Variants in FOXP1 observed in about 807,000 individuals in gnomAD.
FOXP1 encodes forkhead box P1.
In FOXP1, 15 loss-of-function variants were observed where a neutral mutation model predicts 98.2. That is an observed-to-expected ratio of 0.15 (90% confidence interval 0.10 to 0.24). FOXP1 has a LOEUF of 0.24. Ranked by LOEUF, FOXP1 falls within the 10% of genes least tolerant of loss-of-function variation. The pLI is 1.00. For synonymous variants in FOXP1, 371 were observed against 314.5 expected (o/e 1.18, Z -1.90); for missense variants, 633 against 848.5 (o/e 0.75, Z 3.15).
chr3:71,302,529 AAAGAT>A (rs1407633198), intron 4 of FOXP1, among the ~76,000 whole-genome samples: 4 of 151,310 alleles, frequency 2.6e-5, no homozygotes, highest in Middle Eastern at 3.4e-3. Context: ...AAAAAAAAAA[AAAGAT>A]AAAGATAAAA....
chr3:71,207,757 T>C (rs149458697), intron 5 of FOXP1, among the ~76,000 whole-genome samples: 4 of 152,048 alleles, frequency 2.6e-5, no homozygotes, highest in East Asian at 3.9e-4. Context: ...AATGATGATA[T>C]GATGCGAGCT....
rs1036010621 is a variant in FOXP1, at chr3:71,064,573, G to T, written c.283-10800C>A. Among the ~76,000 whole-genome samples, 24 of 151,670 alleles carry T rather than the reference G, an allele frequency of 1.6e-4. No individual in the cohort carries two copies. The East Asian group carries it at 4.7e-3, about 30-fold the overall frequency. On this transcript the variant is annotated intron_variant, in intron 7 of 20. Transcript: ENST00000649528. The stretch of plus-strand genomic sequence containing the variant: ...AGCCAAAGAGCAAGGGGGGTGGGGG[G>T]GTATCTCTCTCCAGGACCCACAGGC...
chr3:71,416,547 A>AACACACACACAC (rs55710900), intron 3 of FOXP1, among the ~76,000 whole-genome samples: 1 of 136,854 alleles, frequency 7.3e-6, no homozygotes, highest in East Asian at 2.4e-4. Context: ...TCTGTCTCAA[A>AACACACACACAC]ACACACACAC....
chr3:71,386,307 A>G (rs939562523), intron 3 of FOXP1, among the ~76,000 whole-genome samples: 6 of 152,218 alleles, frequency 3.9e-5, no homozygotes, highest in African/African-American at 1.2e-4. Flanking sequence ...CCCACTGGCA[A>G]TAGAGTCAGT....
chr3:71,041,531 G>A lies in FOXP1; in HGVS notation c.666C>T (p.Gly222=), dbSNP rs2106873365. The part of the protein sequence containing the change: ...PALPLQPLAQ[G]MIPTELQQLW... ...GCTGCTGCAGTTCTGTTGGAATCAT[G>A]CCTGAAACAAACAAATTGGATAATT... The change falls in exon 11 of 21, where the codon GGC becomes GGT. Residue 222 remains glycine (G), a splice_region_variant and synonymous_variant. Coordinates refer to ENST00000649528, the MANE Select transcript of FOXP1 (RefSeq NM_001349338.3). 1 of 1,613,512 alleles carries A rather than the reference G, an allele frequency of 6.2e-7. No individual in the cohort carries two copies.
At chr3:71,552,708 T>G (rs2045866138) in intron 2 of FOXP1, among the ~76,000 whole-genome samples, 2 of 151,992 alleles carry the variant, frequency 1.3e-5, no homozygotes, top group Admixed American at 1.3e-4. Flanking sequence ...AGGCAAAATA[T>G]AATAATAATA....
At chr3:71,232,884 A>AAAAAAAAAAAAAAAAAAAAAC in intron 5 of FOXP1, among the ~76,000 whole-genome samples, 1 of 145,452 alleles carries the variant, frequency 6.9e-6, no homozygotes, top group Non-Finnish European at 1.5e-5. Context: ...TCTCAAAAAA[A>AAAAAAAAAAAAAAAAAAAAAC]AAAAAAAAAA....
chr3:71,557,616 C>G (rs1044822846), intron 2 of FOXP1, among the ~76,000 whole-genome samples: 1 of 152,168 alleles, frequency 6.6e-6, no homozygotes, highest in Non-Finnish European at 1.5e-5. Context: ...CCCACCTTCA[C>G]GGAAGAGTGA....
At chr3:71,360,088 C>T (rs891454741) in intron 3 of FOXP1, among the ~76,000 whole-genome samples, 2 of 152,118 alleles carry the variant, frequency 1.3e-5, no homozygotes, top group African/African-American at 2.4e-5. Flanking sequence ...CCACCATGCT[C>T]GGCTTATAAT....
At chr3:71,448,903 T>C (rs1276960844) in intron 3 of FOXP1, among the ~76,000 whole-genome samples, 1 of 152,208 alleles carries the variant, frequency 6.6e-6, no homozygotes, top group Admixed American at 6.5e-5. Flanking sequence ...TGGAGGACAC[T>C]TGCAACTGTA....
At position 70,959,315 on chromosome 3, in the gene FOXP1, T is replaced by G. The variant is rs775351101; in HGVS notation, c.1966A>C (p.Asn656His). Reference protein sequence around the residue: ...EGPLSLVTTANHSPDFDHDRD... With the variant: ...EGPLSLVTTAHHSPDFDHDRD... ...TCATGGTCAAAATCTGGACTGTGGT[T>G]GGCTGTTGTCACTAAGGACAGGGGC... Residue 656 changes from asparagine (N) to histidine (H), a missense_variant, in exon 21 of 21, where the codon AAC becomes CAC. Coordinates refer to ENST00000649528, the MANE Select transcript of FOXP1 (RefSeq NM_001349338.3). 6.2e-7 allele frequency: 1 copy of G among 1,614,148 alleles called. No individual in the cohort carries two copies. The highest frequency in any genetic ancestry group is 8.5e-7 in the Non-Finnish European group (1 of 1,180,030).
At position 71,000,664 on chromosome 3, in the gene FOXP1, TGAGA is replaced by T. The variant is rs1258545458; in HGVS notation, c.1062+304_1062+307del. Among the ~76,000 whole-genome samples the T allele has an allele frequency of 7.3e-5, 11 of 151,574 alleles. 1 individual carries two copies. In the South Asian group the frequency reaches 2.3e-3, roughly 32 times the overall value. On this transcript the variant is annotated intron_variant, in intron 13 of 20. Coordinates refer to ENST00000649528, the MANE Select transcript of FOXP1 (RefSeq NM_001349338.3). ...AGGAGAAGTGAGAAGAGAGGGAAAG[TGAGA>T]GAGAGATGGAAACATTCAAAGTGGC...
At chr3:71,079,207 C>A (rs2054148506) in intron 7 of FOXP1, among the ~76,000 whole-genome samples, 1 of 152,022 alleles carries the variant, frequency 6.6e-6, no homozygotes. Flanking sequence ...AGGACAGCAG[C>A]CCAACTCCTC....
At position 71,278,267 on chromosome 3, in the gene FOXP1, T is replaced by C. The variant is rs1012713655; in HGVS notation, c.-12+21553A>G. Among the ~76,000 whole-genome samples the C allele has an allele frequency of 5.9e-5, 9 of 152,236 alleles. 1 individual carries two copies. Among genetic ancestry groups the C allele is most frequent in the African/African-American group, 2.2e-4 (9 of 41,454 alleles). On this transcript the variant is annotated intron_variant, in intron 5 of 20. Transcript: ENST00000649528. ...AGCTTTTGATATTATTCCTGTTTTTTACAGTCAGAAAAGTCTTAGATAAAT... is the reference window on the plus strand; with the variant it reads ...AGCTTTTGATATTATTCCTGTTTTTCACAGTCAGAAAAGTCTTAGATAAAT...
At chr3:71,219,321 G>A (rs1222590407) in intron 5 of FOXP1, among the ~76,000 whole-genome samples, 3 of 152,196 alleles carry the variant, frequency 2.0e-5, no homozygotes, top group Non-Finnish European at 2.9e-5. Flanking sequence ...CTCCAGGCCT[G>A]TTCTGTCCAA....
At chr3:71,210,414 T>C (rs889778978) in intron 5 of FOXP1, among the ~76,000 whole-genome samples, 2 of 152,170 alleles carry the variant, frequency 1.3e-5, no homozygotes, top group African/African-American at 4.8e-5. Context: ...GCCTCGACAA[T>C]GTCAGGGGAA....
At chr3:71,143,714 C>G (rs1221628551) in intron 6 of FOXP1, among the ~76,000 whole-genome samples, 1 of 152,134 alleles carries the variant, frequency 6.6e-6, no homozygotes, top group African/African-American at 2.4e-5. Context: ...GGCAACATTG[C>G]AAGACCCCAT....
At chr3:71,428,074 G>A (rs775769264) in intron 3 of FOXP1, among the ~76,000 whole-genome samples, 2 of 152,178 alleles carry the variant, frequency 1.3e-5, no homozygotes, top group South Asian at 4.1e-4. Flanking sequence ...TTCAGGCACT[G>A]CTATCATAGC....
intron 7 of FOXP1, among the ~76,000 whole-genome samples, chr3:71,091,951 GC>G (rs2055900878): frequency 1.3e-5 from 2 of 152,130 alleles, no homozygotes; most frequent in Admixed American, 1.3e-4. Context: ...ACTTTGGGAG[GC>G]CGAGGCAGGC....
Sources: allele counts gnomAD v4.1 joint callset (sites outside exome capture counted in the v4.1 genomes callset), GRCh38; gene constraint gnomAD v4.1.1; transcripts MANE v1.5; gene names NCBI Gene and HGNC (gene_info 2026-07-23, HGNC 2026-07-21).